DISC1: variants seen among roughly 807,000 people sequenced by gnomAD.
DISC1 encodes DISC1 scaffold protein, also known as disrupted in schizophrenia 1 protein.
In DISC1, 57 loss-of-function variants were observed where a neutral mutation model predicts 84.5. The ratio of observed to expected loss-of-function variants is 0.67; its 90% confidence interval spans 0.55 to 0.84. The LOEUF is 0.84. Among genes scored for constraint, DISC1 ranks in the 40% least tolerant of loss-of-function variants. DISC1 has a pLI of 0.00. For synonymous variants in DISC1, 411 were observed against 415.2 expected, an observed-to-expected ratio of 0.99 and a Z score of 0.12; for missense variants, 1,000 against 1,057.8, an observed-to-expected ratio of 0.95 and a Z score of 0.76.
At chr1:231,931,233 C>G (rs888870886) in intron 9 of DISC1, among the ~76,000 whole-genome samples, 2 of 152,154 alleles carry the variant, frequency 1.3e-5, no homozygotes, top group African/African-American at 2.4e-5. Flanking sequence ...ACGAAAGAAG[C>G]TACACCAGGC....
rs541723870 is a variant in DISC1, at chr1:231,729,461, A to G, written c.1118-20465A>G. ...TACATACACAGGTTCACAGTGTGCTAGAAGCATTGCTCTTTATTAGTTATT... is the reference window on the plus strand; with the variant it reads ...TACATACACAGGTTCACAGTGTGCTGGAAGCATTGCTCTTTATTAGTTATT... On this transcript the variant is annotated intron_variant, in intron 3 of 12. Transcript: ENST00000439617. Among the ~76,000 whole-genome samples the G allele has an allele frequency of 1.2e-4, 19 of 152,320 alleles. 1 individual carries two copies. In the South Asian group the frequency reaches 3.7e-3, roughly 30 times the overall value.
intron 1 of DISC1, among the ~76,000 whole-genome samples, chr1:231,689,489 G>A (rs1426602955): frequency 1.3e-5 from 2 of 151,780 alleles, no homozygotes; most frequent in East Asian, 1.9e-4. Context: ...GCACCACCAC[G>A]CCAGGCTAAT....
At chr1:231,636,746 T>C (rs2059232161) in intron 1 of DISC1, among the ~76,000 whole-genome samples, 1 of 152,176 alleles carries the variant, frequency 6.6e-6, no homozygotes, top group African/African-American at 2.4e-5. Flanking sequence ...CTTCAGCTAA[T>C]CTTGGTATGA....
At chr1:231,632,275 T>C (rs2058777112) in intron 1 of DISC1, among the ~76,000 whole-genome samples, 3 of 152,232 alleles carry the variant, frequency 2.0e-5, no homozygotes, top group South Asian at 4.1e-4. Context: ...ATGACTGTGA[T>C]TGAAATAAGT....
At chr1:231,851,383 A>C (rs9432014) in intron 9 of DISC1, among the ~76,000 whole-genome samples, 18 of 152,132 alleles carry the variant, frequency 1.2e-4, no homozygotes, top group Non-Finnish European at 1.5e-5. Context: ...CCTACTGAGC[A>C]TCCTCTCGCA....
At chr1:231,785,255 T>G (rs1032634338) in intron 6 of DISC1, among the ~76,000 whole-genome samples, 1 of 126,256 alleles carries the variant, frequency 7.9e-6, no homozygotes, top group Non-Finnish European at 1.7e-5. Flanking sequence ...GTGTGTGTGT[T>G]ATTTTATTTA....
At chr1:231,685,173 C>G (rs560250871) in intron 1 of DISC1, 1 of 152,346 alleles carries the variant, frequency 6.6e-6, no homozygotes, top group African/African-American at 2.4e-5. Context: ...GCTTCACTTG[C>G]GTAGAACTCT....
chr1:231,888,484 C>T (rs1188815585), intron 9 of DISC1, among the ~76,000 whole-genome samples: 1 of 151,918 alleles, frequency 6.6e-6, no homozygotes, highest in African/African-American at 2.4e-5. Flanking sequence ...GTGGCTCACA[C>T]CTGTAATCCC....
chr1:231,856,700 C>A (rs573102120), intron 9 of DISC1, among the ~76,000 whole-genome samples: 4 of 152,276 alleles, frequency 2.6e-5, no homozygotes, highest in African/African-American at 9.6e-5. Flanking sequence ...GAACTGAAGT[C>A]ATGGTATTTT....
intron 9 of DISC1, among the ~76,000 whole-genome samples, chr1:231,829,891 G>A (rs1167863726): frequency 6.6e-6 from 1 of 152,000 alleles, no homozygotes; most frequent in Non-Finnish European, 1.5e-5. Flanking sequence ...GGTGCTCAGT[G>A]GGGGAGCTTT....
At chr1:232,027,156 C>T (rs186401107) in intron 12 of DISC1, among the ~76,000 whole-genome samples, 1 of 152,314 alleles carries the variant, frequency 6.6e-6, no homozygotes, top group Admixed American at 6.5e-5. Context: ...GTAAATCCAG[C>T]TCTGTGTGGC....
chr1:232,036,552 C>A, intron 12 of DISC1, 140 bp from the exon 13 acceptor site: 1 of 702,010 alleles, frequency 1.4e-6, no homozygotes, highest in Non-Finnish European at 2.1e-6. Context: ...ATATTTAATT[C>A]ATACAATTGG....
At chr1:231,781,509 A>G (rs1335807843) in intron 6 of DISC1, among the ~76,000 whole-genome samples, 1 of 152,204 alleles carries the variant, frequency 6.6e-6, no homozygotes, top group Non-Finnish European at 1.5e-5. Flanking sequence ...TCATTTTAGA[A>G]TGATCATAGC....
Position 232,041,148 on chromosome 1 carries a change from T to G in DISC1, c.*4317T>G, listed in dbSNP as rs1670769578. 6.6e-6 allele frequency: 1 copy of G among 152,250 alleles called. No individual in the cohort carries two copies. Among genetic ancestry groups the G allele is most frequent in the African/African-American group, 2.4e-5 (1 of 41,448 alleles). 9.4% of individuals were successfully genotyped at this position (152,250 alleles called of 1,614,324 possible). A position where few individuals can be genotyped will look rare whatever the true frequency, so the allele number is the denominator to read the frequency against. ...AGGCATGGTGCATCTTGATGATTTT[T>G]TGTCCTTTGAAGTATGGATGATAGA... On this transcript the variant is annotated 3_prime_UTR_variant, in exon 13 of 13. Coordinates refer to ENST00000439617, the MANE Select transcript of DISC1 (RefSeq NM_018662.3).
intron 4 of DISC1, among the ~76,000 whole-genome samples, chr1:231,765,195 CAAAAAAAA>C (rs71179793): frequency 5.4e-5 from 5 of 93,302 alleles, no homozygotes; most frequent in Non-Finnish European, 6.0e-5. Context: ...GTCCACCCTA[CAAAAAAAA>C]AAAAAAAAAA....
chr1:231,853,680 T>G (rs904301216), intron 9 of DISC1, among the ~76,000 whole-genome samples: 1 of 152,162 alleles, frequency 6.6e-6, no homozygotes, highest in Non-Finnish European at 1.5e-5. Flanking sequence ...GTGAGGAAGG[T>G]ACTGGCTTCT....
intron 6 of DISC1, among the ~76,000 whole-genome samples, chr1:231,783,249 T>G (rs138773083): frequency 1.0e-3 from 157 of 152,288 alleles, no homozygotes; most frequent in South Asian, 2.3e-3. Context: ...ATCGTGGTTA[T>G]GAGAATAGTT....
At chr1:231,760,234 A>T (rs1159825747) in intron 4 of DISC1, among the ~76,000 whole-genome samples, 1 of 152,210 alleles carries the variant, frequency 6.6e-6, no homozygotes, top group African/African-American at 2.4e-5. Context: ...ATTTTACAAC[A>T]TTCTTTTGTG....
At chr1:232,036,139 A>G (rs1319485711) in intron 12 of DISC1, among the ~76,000 whole-genome samples, 6 of 152,212 alleles carry the variant, frequency 3.9e-5, no homozygotes, top group Non-Finnish European at 8.8e-5. Flanking sequence ...CAAAGTCATC[A>G]TTTCAAGAGA....
Sources: gnomAD v4.1 joint callset for allele counts (sites outside exome capture counted in the v4.1 genomes callset) on GRCh38, gnomAD v4.1.1 for gene constraint, MANE v1.5 for transcripts, NCBI Gene and HGNC (gene_info 2026-07-23, HGNC 2026-07-21) for gene names.